Variants in SLC1A3 observed in about 807,000 individuals in gnomAD.
SLC1A3 encodes the protein excitatory amino acid transporter 1.
SLC1A3 carries 21 observed loss-of-function variants against 48.1 expected under a neutral mutation model. That is an observed-to-expected ratio of 0.44 (90% confidence interval 0.31 to 0.63). The LOEUF (loss-of-function observed/expected upper bound fraction) is 0.63. Among genes scored for constraint, SLC1A3 ranks in the 20% least tolerant of loss-of-function variants. The probability of loss-of-function intolerance (pLI) is 0.08; values close to 1 mark genes in which losing one functional copy is unlikely to be tolerated. For synonymous variants in SLC1A3, 239 were observed against 251.4 expected (o/e 0.95, Z 0.47); for missense variants, 546 against 689.0 (o/e 0.79, Z 2.32).
In SLC1A3 at chr5:36,679,720, C is replaced by A. The variant is rs528899789; in HGVS notation, c.954C>A (p.Thr318=). 3.7e-6 allele frequency: 6 copies of A among 1,613,896 alleles called. No individual in the cohort carries two copies. The highest frequency in any genetic ancestry group is 5.1e-6 in the Non-Finnish European group (6 of 1,179,948). Residue 318 remains threonine (T), a synonymous_variant, in exon 7 of 10, where the codon ACC becomes ACA. Coordinates refer to ENST00000265113, the MANE Select transcript of SLC1A3 (RefSeq NM_004172.5). ...GVIGGQLAMY[T]VTVIVGLLIH... ...TTGGGGGGCAGCTTGCCATGTACACCGTGACTGTCATTGTTGGCTTACTCA... is the reference window on the plus strand; with the variant it reads ...TTGGGGGGCAGCTTGCCATGTACACAGTGACTGTCATTGTTGGCTTACTCA...
intron 7 of SLC1A3, 43 bp downstream of exon 7, chr5:36,679,903 GA>G: frequency 7.1e-7 from 1 of 1,408,218 alleles, no homozygotes; most frequent in Non-Finnish European, 1.0e-6. Context: ...ATGTTACCTT[GA>G]ACCAGGGCCC....
chr5:36,648,905 C>T (rs1740942465), intron 3 of SLC1A3, among the ~76,000 whole-genome samples: 1 of 152,132 alleles, frequency 6.6e-6, no homozygotes, highest in Non-Finnish European at 1.5e-5. Context: ...CAAGAAACTA[C>T]CACAAATACA....
intron 2 of SLC1A3, chr5:36,613,094 C>T (rs923590292): frequency 4.7e-4 from 145 of 307,470 alleles, no homozygotes; most frequent in African/African-American, 2.2e-4. Flanking sequence ...TGGGGGTGCA[C>T]GAGGGTAAGT....
chr5:36,669,163 T>C (rs1358307941), intron 3 of SLC1A3: 1 of 152,168 alleles, frequency 6.6e-6, no homozygotes, highest in Non-Finnish European at 1.5e-5. Context: ...CAGGCTTTGG[T>C]GGTGACAAGT....
At chr5:36,646,886 G>A (rs969191808) in intron 3 of SLC1A3, among the ~76,000 whole-genome samples, 3 of 152,194 alleles carry the variant, frequency 2.0e-5, no homozygotes, top group Non-Finnish European at 4.4e-5. Context: ...GCAGGTGTAA[G>A]TCATTCCTGC....
At chr5:36,678,659 G>A (rs1487281052) in intron 6 of SLC1A3, among the ~76,000 whole-genome samples, 2 of 152,158 alleles carry the variant, frequency 1.3e-5, no homozygotes, top group Admixed American at 1.3e-4. Flanking sequence ...TGTGAGTTTG[G>A]TTGTAGTTTG....
At chr5:36,684,684 G>A (rs1014695459) in intron 9 of SLC1A3, among the ~76,000 whole-genome samples, 4 of 152,258 alleles carry the variant, frequency 2.6e-5, no homozygotes, top group South Asian at 2.1e-4. Context: ...AACAGAGTAC[G>A]TGTTGGAGTT....
At chr5:36,642,978 C>T (rs1645659) in intron 3 of SLC1A3, among the ~76,000 whole-genome samples, 123,521 of 152,134 alleles carry the variant, frequency 0.81, 51,673 homozygotes, top group Non-Finnish European at 0.91. Flanking sequence ...TAATGGAATA[C>T]TACCCATTCA....
At chr5:36,613,852 G>T (rs948048151) in intron 2 of SLC1A3, among the ~76,000 whole-genome samples, 2 of 152,104 alleles carry the variant, frequency 1.3e-5, no homozygotes, top group African/African-American at 4.8e-5. Context: ...AAGAACTAGG[G>T]TCTGATTTCT....
chr5:36,666,983 C>A (rs1463181745), intron 3 of SLC1A3, among the ~76,000 whole-genome samples: 1 of 152,184 alleles, frequency 6.6e-6, no homozygotes, highest in African/African-American at 2.4e-5. Context: ...GTGTTTGAAG[C>A]AAAGTTTTAA....
At chr5:36,680,655 C>T in intron 8 of SLC1A3, 66 bp downstream of exon 8, 11 of 1,377,926 alleles carry the variant, frequency 8.0e-6, no homozygotes, top group South Asian at 5.8e-5. Flanking sequence ...TGGTGGCTCA[C>T]GCCTGTAATC....
At chr5:36,622,146 G>C (rs1022793179) in intron 2 of SLC1A3, among the ~76,000 whole-genome samples, 1 of 152,190 alleles carries the variant, frequency 6.6e-6, no homozygotes, top group African/African-American at 2.4e-5. Context: ...CAATGGGTAT[G>C]AATGCCTCCT....
chr5:36,620,980 A>G (rs1321639438), intron 2 of SLC1A3, among the ~76,000 whole-genome samples: 1 of 151,360 alleles, frequency 6.6e-6, no homozygotes, highest in Non-Finnish European at 1.5e-5. Context: ...ATCTCGGCTC[A>G]CTACAACCTC....
rs1200385527 is a variant in SLC1A3 at position 36,687,132 on chromosome 5, C to T, written c.*863C>T. On this transcript the variant is annotated 3_prime_UTR_variant, in exon 10 of 10. Coordinates refer to ENST00000265113, the MANE Select transcript of SLC1A3 (RefSeq NM_004172.5). Reference sequence around the variant, plus strand: ...CAAGTCGCCAGGCAGGAGGCCATTCCAGGAGTGGGATTATTCATCAAACTC... The same window carrying T: ...CAAGTCGCCAGGCAGGAGGCCATTCTAGGAGTGGGATTATTCATCAAACTC... 6.6e-6 allele frequency: 1 copy of T among 152,284 alleles called. No homozygotes were observed. Among genetic ancestry groups the T allele is most frequent in the African/African-American group, 2.4e-5 (1 of 41,448 alleles). 9.4% of individuals were successfully genotyped at this position (152,284 alleles called of 1,614,324 possible).
At chr5:36,601,492 A>G (rs1738807290), upstream of SLC1A3, among the ~76,000 whole-genome samples, 1 of 152,230 alleles carries the variant, frequency 6.6e-6, no homozygotes, top group African/African-American at 2.4e-5. Context: ...AAAGGAGAGC[A>G]TGTGGCTTAG....
Position 36,671,362 on chromosome 5 carries a change from T to C in SLC1A3, c.524+129T>C, listed in dbSNP as rs1741989488. ...TGCCAGGCTTGAAATGAAGGTCATA[T>C]ATCTTTACCTCTTTCTTATAGAAAT... On this transcript the variant is annotated intron_variant, in intron 4 of 9. Transcript: ENST00000265113. 6.9e-6 allele frequency: 5 copies of C among 720,904 alleles called. No individual in the cohort carries two copies. In the East Asian group the frequency reaches 1.1e-4, roughly 15 times the overall value. The allele number at this position is 720,904 out of a possible 1,614,324, so 44.7% of individuals were successfully genotyped here. A position where few individuals can be genotyped will look rare whatever the true frequency, so the allele number is the denominator to read the frequency against.
intron 1 of SLC1A3, among the ~76,000 whole-genome samples, chr5:36,598,738 C>T (rs1424175017): frequency 6.6e-6 from 1 of 152,166 alleles, no homozygotes; most frequent in Non-Finnish European, 1.5e-5. Flanking sequence ...CTTCCCATCT[C>T]AGGCTTCCAA....
chr5:36,631,553 T>C (rs1188508188), intron 3 of SLC1A3, among the ~76,000 whole-genome samples: 1 of 152,228 alleles, frequency 6.6e-6, no homozygotes, highest in Admixed American at 6.5e-5. Context: ...ACAACTAATA[T>C]AAAATGAACT....
rs141322135 is a variant in SLC1A3, at chr5:36,627,521, A to G, written c.182-1929A>G. Among the ~76,000 whole-genome samples the G allele has an allele frequency of 2.2e-3, 337 of 152,278 alleles. 2 individuals are homozygous for G. Among genetic ancestry groups the G allele is most frequent in the Non-Finnish European group, 3.5e-3 (240 of 68,010 alleles). The stretch of plus-strand genomic sequence containing the variant: ...AAAAAAAAAAAATCCCAGATGTAAA[A>G]TAGCCTTCATATATTCATCATGATA... On this transcript the variant is annotated intron_variant, in intron 2 of 9. Transcript: ENST00000265113.
Sources: gnomAD v4.1 joint callset for allele counts (sites outside exome capture counted in the v4.1 genomes callset) on GRCh38, gnomAD v4.1.1 for gene constraint, MANE v1.5 for transcripts, NCBI Gene and HGNC (gene_info 2026-07-23, HGNC 2026-07-21) for gene names.